EDIL3: variants seen among roughly 807,000 people sequenced by gnomAD.
EDIL3 encodes the protein EGF-like repeat and discoidin I-like domain-containing protein 3.
In EDIL3, 37 loss-of-function variants were observed where a neutral mutation model predicts 67.4. The observed-to-expected ratio is 0.55, with a 90% CI of 0.42 to 0.72. The LOEUF is 0.72. Ranked by LOEUF, EDIL3 falls within the 30% of genes least tolerant of loss-of-function variation. The pLI, the probability that EDIL3 is intolerant of heterozygous loss-of-function variation, is 0.00. For synonymous variants in EDIL3, 195 were observed against 196.3 expected, an observed-to-expected ratio of 0.99 and a Z score of 0.05; for missense variants, 527 against 586.3, an observed-to-expected ratio of 0.90 and a Z score of 1.04.
In EDIL3 at chr5:84,384,443, C is replaced by A. The variant is rs1748180402; in HGVS notation, c.-69G>T. ...GCGGAGGGCAGTGTAGCCGAGGTGG[C>A]AGCGCAGGGCAGCAGCAGACTCCGC... is the stretch of plus-strand genomic sequence containing the variant. On this transcript the variant is annotated 5_prime_UTR_variant, in exon 1 of 11. Transcript: ENST00000296591. 1 of 1,484,612 alleles carries A rather than the reference C, an allele frequency of 6.7e-7. No homozygotes were observed. Among genetic ancestry groups the A allele is most frequent in the Non-Finnish European group, 9.4e-7 (1 of 1,068,726 alleles). 92.0% of individuals were successfully genotyped at this position (1,484,612 alleles called of 1,614,324 possible). A position where few individuals can be genotyped will look rare whatever the true frequency, so the allele number is the denominator to read the frequency against.
At chr5:84,191,729 A>T (rs115232572) in intron 3 of EDIL3, among the ~76,000 whole-genome samples, 1,574 of 152,102 alleles carry the variant, frequency 0.01, 27 homozygotes, top group African/African-American at 0.032. Context: ...ATTTTTTTTA[A>T]AAAAAAGGAA....
At chr5:84,104,512 A>G (rs1482488716) in intron 6 of EDIL3, among the ~76,000 whole-genome samples, 1 of 152,000 alleles carries the variant, frequency 6.6e-6, no homozygotes, top group Non-Finnish European at 1.5e-5. Context: ...TTGAATAACA[A>G]TAATTTTTAG....
At chr5:84,006,627 GC>G (rs1387158863) in intron 9 of EDIL3, among the ~76,000 whole-genome samples, 5 of 152,242 alleles carry the variant, frequency 3.3e-5, no homozygotes. Context: ...CAGGTACTAT[GC>G]TCATTACCTG....
intron 3 of EDIL3, among the ~76,000 whole-genome samples, chr5:84,219,202 T>A (rs1195164773): frequency 6.6e-6 from 1 of 152,092 alleles, no homozygotes. Flanking sequence ...GGGGAAGAGA[T>A]CCTGAGAATT....
intron 4 of EDIL3, among the ~76,000 whole-genome samples, chr5:84,176,268 ATT>A (rs1491492968): frequency 2.8e-5 from 4 of 143,966 alleles, no homozygotes; most frequent in African/African-American, 5.1e-5. Flanking sequence ...TATTATATAT[ATT>A]GTATAAAATA....
intron 1 of EDIL3, among the ~76,000 whole-genome samples, chr5:84,263,089 G>A (rs1161420632): frequency 1.3e-5 from 2 of 151,974 alleles, no homozygotes; most frequent in Non-Finnish European, 2.9e-5. Context: ...ACATATTATA[G>A]GGCCCATGAT....
At chr5:84,214,232 G>A (rs1744182653) in intron 3 of EDIL3, among the ~76,000 whole-genome samples, 1 of 152,032 alleles carries the variant, frequency 6.6e-6, no homozygotes, top group Non-Finnish European at 1.5e-5. Flanking sequence ...GAAAAACAAA[G>A]ATCAATGTAA....
intron 1 of EDIL3, among the ~76,000 whole-genome samples, chr5:84,257,157 G>C (rs956590492): frequency 6.6e-6 from 1 of 152,164 alleles, no homozygotes. Flanking sequence ...TCATTATGGA[G>C]AGTGCCTTAA....
At chr5:84,128,381 C>T (rs985962922) in intron 5 of EDIL3, among the ~76,000 whole-genome samples, 1 of 152,028 alleles carries the variant, frequency 6.6e-6, no homozygotes, top group African/African-American at 2.4e-5. Flanking sequence ...ATAATTTCCC[C>T]ATTGTGAAAT....
chr5:84,341,179 G>C (rs1185096006), intron 1 of EDIL3, among the ~76,000 whole-genome samples: 4 of 151,872 alleles, frequency 2.6e-5, no homozygotes, highest in Non-Finnish European at 5.9e-5. Context: ...GCATAAATAG[G>C]CTCTCACAAA....
chr5:84,092,368 C>T (rs765363343), intron 6 of EDIL3, among the ~76,000 whole-genome samples: 6 of 152,008 alleles, frequency 3.9e-5, no homozygotes, highest in South Asian at 2.1e-4. Context: ...AATATAATAG[C>T]GAAATTAGAA....
chr5:84,115,365 AAATT>A (rs1467149686), intron 5 of EDIL3, among the ~76,000 whole-genome samples: 3 of 152,072 alleles, frequency 2.0e-5, no homozygotes, highest in Non-Finnish European at 2.9e-5. Flanking sequence ...TTATCAGTTT[AAATT>A]AATTGTTTTC....
At chr5:84,235,676 TA>T (rs575336971) in intron 2 of EDIL3, among the ~76,000 whole-genome samples, 63 of 152,188 alleles carry the variant, frequency 4.1e-4, no homozygotes, top group African/African-American at 1.4e-3. Context: ...AAATGTTTAA[TA>T]CAGTCATTTG....
intron 1 of EDIL3, among the ~76,000 whole-genome samples, chr5:84,377,392 T>TA (rs903814212): frequency 2.0e-5 from 3 of 152,076 alleles, no homozygotes; most frequent in Non-Finnish European, 4.4e-5. Flanking sequence ...TGCTCTACAT[T>TA]ACAGAGAGGG....
chr5:84,347,148 G>T (rs185108467), intron 1 of EDIL3, among the ~76,000 whole-genome samples: 1 of 152,230 alleles, frequency 6.6e-6, no homozygotes. Flanking sequence ...TAGTAACATT[G>T]TGTCCTTTTG....
intron 9 of EDIL3, among the ~76,000 whole-genome samples, chr5:84,044,158 T>C (rs1173305677): frequency 6.6e-6 from 1 of 152,202 alleles, no homozygotes; most frequent in Non-Finnish European, 1.5e-5. Context: ...ATATGCGGTG[T>C]TTGGTTTCCT....
chr5:84,289,929 A>T (rs1745880829), intron 1 of EDIL3, among the ~76,000 whole-genome samples: 1 of 152,192 alleles, frequency 6.6e-6, no homozygotes, highest in African/African-American at 2.4e-5. Context: ...TCTGACTATA[A>T]ATCTTAAGTA....
At chr5:84,137,219 AT>A in intron 5 of EDIL3, 21 bp downstream of exon 5, 10 of 1,560,484 alleles carry the variant, frequency 6.4e-6, no homozygotes, top group South Asian at 1.1e-5. Flanking sequence ...ACACACACAC[AT>A]ACACACACGT....
intron 9 of EDIL3, among the ~76,000 whole-genome samples, chr5:84,003,741 G>T (rs949985847): frequency 6.6e-6 from 1 of 151,988 alleles, no homozygotes; most frequent in Non-Finnish European, 1.5e-5. Flanking sequence ...ATAGACCATT[G>T]ACACTATAAA....
Sources: allele counts gnomAD v4.1 joint callset (sites outside exome capture counted in the v4.1 genomes callset), GRCh38; gene constraint gnomAD v4.1.1; transcripts MANE v1.5; gene names NCBI Gene and HGNC (gene_info 2026-07-23, HGNC 2026-07-21).